EPB41: variants seen among roughly 807,000 people sequenced by gnomAD.
The protein encoded by EPB41 is protein 4.1.
EPB41 carries 65 observed loss-of-function variants against 108.0 expected under a neutral mutation model. The ratio of observed to expected loss-of-function variants is 0.60; its 90% CI spans 0.49 to 0.74. The LOEUF (loss-of-function observed/expected upper bound fraction) is 0.74. Among genes scored for constraint, EPB41 ranks in the 30% least tolerant of loss-of-function variants. The probability of loss-of-function intolerance (pLI) is 0.00; values close to 1 mark genes in which losing one functional copy is unlikely to be tolerated. For synonymous variants in EPB41, 336 were observed against 358.9 expected (o/e 0.94, Z 0.72); for missense variants, 875 against 1,037.0 (o/e 0.84, Z 2.15).
At chr1:28,900,070 T>C (rs1251595189) in intron 1 of EPB41, among the ~76,000 whole-genome samples, 1 of 152,220 alleles carries the variant, frequency 6.6e-6, no homozygotes, top group African/African-American at 2.4e-5. Context: ...ATTGTTGTTT[T>C]TGTCATCGTT....
At chr1:29,034,864 G>C (rs1347796132) in intron 9 of EPB41, among the ~76,000 whole-genome samples, 1 of 150,978 alleles carries the variant, frequency 6.6e-6, no homozygotes, top group Non-Finnish European at 1.5e-5. Context: ...TAGATTTTAA[G>C]TTTTCTCACC....
At chr1:28,995,360 G>C (rs113933311) in intron 3 of EPB41, among the ~76,000 whole-genome samples, 7,404 of 152,162 alleles carry the variant, frequency 0.049, 225 homozygotes, top group Non-Finnish European at 0.073. Context: ...TCAAGAAATC[G>C]AGACCATACT....
chr1:28,952,045 A>C (rs936174364), intron 1 of EPB41, among the ~76,000 whole-genome samples: 3 of 152,166 alleles, frequency 2.0e-5, no homozygotes, highest in Non-Finnish European at 4.4e-5. Flanking sequence ...TGTCTAATTC[A>C]TATTGGGGAT....
At chr1:28,899,097 A>G (rs374905304) in intron 1 of EPB41, among the ~76,000 whole-genome samples, 39 of 152,338 alleles carry the variant, frequency 2.6e-4, no homozygotes, top group African/African-American at 9.4e-4. Context: ...AAGATCACAC[A>G]GTAGAAGCCC....
rs762595905 is a variant in EPB41, at chr1:28,887,223, C to A, written c.-8+13C>A. 166 of 1,284,336 alleles carry A rather than the reference C, an allele frequency of 1.3e-4. 1 individual carries two copies. In the South Asian group the frequency reaches 2.0e-3, roughly 16 times the overall value. The allele number at this position is 1,284,336 out of a possible 1,614,324, so 79.6% of individuals were successfully genotyped here. On this transcript the variant is annotated intron_variant, in intron 1 of 16. Coordinates refer to the EPB41 transcript ENST00000347529. This position sits in a 1 kb window ranked among gnomAD's most constrained non-coding sequence, Gnocchi z 4.9. ...GCACCCAGCCCAGGTGAGCCTGGAC[C>A]ACCTGGGGGGCGACCCTCGGTCCCC...
chr1:29,109,305 G>A, intron 17 of EPB41, 31 bp from the exon 18 acceptor site: 1 of 1,548,516 alleles, frequency 6.5e-7, no homozygotes, highest in South Asian at 1.1e-5. Context: ...TTCCTGAGAG[G>A]CATGATGATG....
intron 16 of EPB41, chr1:29,069,115 C>T (rs1362035188): frequency 3.3e-6 from 4 of 1,197,606 alleles, no homozygotes; most frequent in East Asian, 3.2e-5. Flanking sequence ...TTTCAAAAAT[C>T]ATCATAATTT....
intron 1 of EPB41, among the ~76,000 whole-genome samples, chr1:28,895,236 C>T (rs1176622409): frequency 6.6e-6 from 1 of 152,122 alleles, no homozygotes; most frequent in Non-Finnish European, 1.5e-5. Flanking sequence ...GCCCAGGGAG[C>T]CTGGGACTCA....
intron 1 of EPB41, among the ~76,000 whole-genome samples, chr1:28,930,045 C>T (rs908700469): frequency 1.3e-5 from 2 of 151,548 alleles, no homozygotes; most frequent in Admixed American, 6.6e-5. Flanking sequence ...CCCCATTCCC[C>T]ACCCTGCAAC....
chr1:29,116,144 GTCTC>G (rs1158713138), intron 20 of EPB41, among the ~76,000 whole-genome samples: 3 of 124,250 alleles, frequency 2.4e-5, no homozygotes, highest in Non-Finnish European at 5.0e-5. Flanking sequence ...GCTGTCACAG[GTCTC>G]TCTTTTTTTT....
intron 8 of EPB41, among the ~76,000 whole-genome samples, chr1:29,031,212 CTG>C (rs928866369): frequency 2.0e-5 from 3 of 152,178 alleles, no homozygotes; most frequent in African/African-American, 7.2e-5. Flanking sequence ...ATCCAAGCTA[CTG>C]TTAAGATCAA....
At chr1:28,960,878 C>T (rs1557826674) in intron 1 of EPB41, among the ~76,000 whole-genome samples, 2 of 151,534 alleles carry the variant, frequency 1.3e-5, no homozygotes, top group African/African-American at 4.9e-5. Flanking sequence ...ACTAAAAATA[C>T]AAAAAATTAG....
intron 7 of EPB41, among the ~76,000 whole-genome samples, chr1:29,020,864 T>A (rs1370510609): frequency 6.6e-6 from 1 of 152,140 alleles, no homozygotes; most frequent in African/African-American, 2.4e-5. Context: ...CTCACCATGT[T>A]GTCCAGGCTG....
intron 16 of EPB41, among the ~76,000 whole-genome samples, chr1:29,075,018 G>A (rs972910918): frequency 3.9e-5 from 6 of 152,158 alleles, no homozygotes; most frequent in African/African-American, 7.2e-5. Flanking sequence ...TTAGCTGGGC[G>A]TGGTGATGGG....
upstream of EPB41, among the ~76,000 whole-genome samples, chr1:28,909,812 C>CAATA: frequency 7.7e-6 from 1 of 129,244 alleles, no homozygotes; most frequent in South Asian, 2.5e-4. Context: ...TAGATAAATA[C>CAATA]AATAGATAGA....
intron 1 of EPB41, among the ~76,000 whole-genome samples, chr1:28,973,044 T>C (rs763590368): frequency 6.6e-6 from 1 of 152,220 alleles, no homozygotes; most frequent in African/African-American, 2.4e-5. Context: ...CTAATTAGTG[T>C]ACTTAAATTG....
chr1:29,058,506 G>A (rs1054959100), intron 12 of EPB41, 83 bp from the exon 13 acceptor site: 1 of 1,239,466 alleles, frequency 8.1e-7, no homozygotes, highest in Non-Finnish European at 1.2e-6. Flanking sequence ...CCAGCTTAAA[G>A]ATGCAGCTTA....
At chr1:29,054,718 C>T (rs867463687) in intron 12 of EPB41, among the ~76,000 whole-genome samples, 8 of 151,996 alleles carry the variant, frequency 5.3e-5, no homozygotes, top group Admixed American at 1.3e-4. Context: ...GGTATGGTGA[C>T]GCACATCTGT....
intron 1 of EPB41, among the ~76,000 whole-genome samples, chr1:28,969,671 G>A (rs945660206): frequency 4.6e-5 from 7 of 151,924 alleles, no homozygotes; most frequent in African/African-American, 1.4e-4. Flanking sequence ...AGGCTGAGGC[G>A]GGCGGATCAC....
Sources: gnomAD v4.1 joint callset for allele counts (sites outside exome capture counted in the v4.1 genomes callset) on GRCh38, gnomAD v4.1.1 for gene constraint, Gnocchi (gnomAD v3.1) non-coding constraint, MANE v1.5 for transcripts, NCBI Gene and HGNC (gene_info 2026-07-23, HGNC 2026-07-21) for gene names.